Variants in STAT5A observed in about 807,000 individuals in gnomAD.
The protein encoded by STAT5A is epididymis secretory sperm binding protein.
In STAT5A, 26 loss-of-function variants were observed where a neutral mutation model predicts 100.2. The observed-to-expected ratio is 0.26, with a 90% confidence interval of 0.19 to 0.36. STAT5A has a LOEUF of 0.36. STAT5A is among the 10% of genes least tolerant of loss of function. The pLI is 1.00. For missense variants in STAT5A, 634 were observed against 1,027.5 expected, an observed-to-expected ratio of 0.62 and a Z score of 5.24; for synonymous variants, 330 against 424.3, an observed-to-expected ratio of 0.78 and a Z score of 2.73.
At chr17:42,310,412 C>T (rs948289363) in intron 18 of STAT5A, 95 bp from the exon 19 acceptor site, 77 of 1,393,374 alleles carry the variant, frequency 5.5e-5, no homozygotes, top group Non-Finnish European at 7.4e-5. Context: ...TCTCATGAGA[C>T]GGGTTTGAGT....
chr17:42,298,708 C>T (rs1336888470), intron 5 of STAT5A, among the ~76,000 whole-genome samples: 5 of 151,014 alleles, frequency 3.3e-5, no homozygotes, highest in Non-Finnish European at 7.4e-5. Flanking sequence ...AGGATGGTCT[C>T]GATCACCTGA....
chr17:42,306,182 T>C, intron 12 of STAT5A, 59 bp from the exon 13 acceptor site: 1 of 1,612,964 alleles, frequency 6.2e-7, no homozygotes, highest in Non-Finnish European at 8.5e-7. Flanking sequence ...ATCTTGTGTG[T>C]GTGTGAATAT....
chr17:42,299,603 C>T (rs1195956355), intron 5 of STAT5A, 148 bp from the exon 6 acceptor site: 3 of 1,344,816 alleles, frequency 2.2e-6, no homozygotes, highest in Non-Finnish European at 1.0e-6. Flanking sequence ...TTCATCTTGG[C>T]CCCCCTGGCT....
rs114347611 is a variant in STAT5A at position 42,294,635 on chromosome 17, G to A, written c.376-984G>A. On this transcript the variant is annotated intron_variant, in intron 4 of 18. Transcript: ENST00000590949. ...AAAGTGCTTTGCCTCAGGAGGATCT[G>A]ATGCCAGAATGTTCCAGACTGTTGG... Among the ~76,000 whole-genome samples the A allele has an allele frequency of 3.4e-3, 525 of 152,336 alleles. 3 individuals carry two copies. Among genetic ancestry groups the A allele is most frequent in the African/African-American group, 0.012 (504 of 41,584 alleles).
rs948030049 is a variant in STAT5A, at chr17:42,310,757, C to G, written c.*88C>G. The G allele has an allele frequency of 1.9e-6, 3 of 1,573,004 alleles. No individual in the cohort carries two copies. In the South Asian group the frequency reaches 3.5e-5, roughly 18 times the overall value. The stretch of plus-strand genomic sequence containing the variant: ...TTTAGTAAGGCTGTGTACACTGACA[C>G]CTTTGCAGGCATGCATGTGCTTGTG... On this transcript the variant is annotated 3_prime_UTR_variant, in exon 19 of 19. Transcript: ENST00000590949.
intron 13 of STAT5A, 121 bp downstream of exon 13, chr17:42,306,568 T>C (rs1438490439): frequency 1.4e-6 from 2 of 1,474,172 alleles, no homozygotes; most frequent in Non-Finnish European, 1.9e-6. Context: ...CACTCTCTCC[T>C]ACAACCAGGA....
rs760503272 is a variant in STAT5A, at chr17:42,291,943, C to T, written c.286-29C>T. On this transcript the variant is annotated intron_variant, in intron 3 of 18. Coordinates refer to ENST00000590949, the MANE Select transcript of STAT5A (RefSeq NM_001288718.2). ...CTGGCATGGCTGGAGCAGAGGATGG[C>T]GCTGGAGGCTACTGTTGGATTCTTT... 9.3e-6 allele frequency: 15 copies of T among 1,609,654 alleles called. No homozygotes were observed. In the Admixed American group the frequency reaches 1.5e-4, roughly 16 times the overall value.
intron 4 of STAT5A, among the ~76,000 whole-genome samples, chr17:42,292,880 G>A (rs1043918869): frequency 3.9e-5 from 6 of 152,020 alleles, no homozygotes; most frequent in Admixed American, 2.0e-4. Context: ...CACCCGCCTC[G>A]GCCTCCCAAA....
Position 42,288,978 on chromosome 17 carries a change from T to C in STAT5A, c.-11+380T>C, listed in dbSNP as rs1195611676. Reference sequence around the variant, plus strand: ...CCTAGCCGTCGAGTGGGAGCCGTCGTGGCGCTGGCCTAACTTCGGGTTGGA... The same window carrying C: ...CCTAGCCGTCGAGTGGGAGCCGTCGCGGCGCTGGCCTAACTTCGGGTTGGA... On this transcript the variant is annotated intron_variant, in intron 1 of 18. Coordinates refer to ENST00000590949, the MANE Select transcript of STAT5A (RefSeq NM_001288718.2). The surrounding 1 kb of genome is among the most constrained non-coding windows in gnomAD (Gnocchi z 4.8). Among the ~76,000 whole-genome samples, 1 of 152,196 alleles carries C rather than the reference T, an allele frequency of 6.6e-6. No individual in the cohort carries two copies. Among genetic ancestry groups the C allele is most frequent in the Non-Finnish European group, 1.5e-5 (1 of 68,030 alleles).
Position 42,308,612 on chromosome 17 carries a change from T to G in STAT5A, c.2062+279T>G. On this transcript the variant is annotated intron_variant, in intron 16 of 18. Coordinates refer to ENST00000590949, the MANE Select transcript of STAT5A (RefSeq NM_001288718.2). This position sits in a 1 kb window ranked among gnomAD's most constrained non-coding sequence, Gnocchi z 4.6. ...GAAGGGGTGGCAGCACTGTAGGGAG[T>G]GGCCGGGATCATTCGAGCCCACAGA... 1 of 524,808 alleles carries G rather than the reference T, an allele frequency of 1.9e-6. No individual in the cohort carries two copies. The highest frequency in any genetic ancestry group is 3.4e-6 in the Non-Finnish European group (1 of 292,576). The allele number at this position is 524,808 out of a possible 1,614,324, so 32.5% of individuals were successfully genotyped here.
In STAT5A at chr17:42,300,769, T is replaced by C; in HGVS notation, c.888T>C (p.Ala296=). The change falls in exon 8 of 19, where the codon GCT becomes GCC. Residue 296 remains alanine (A), a synonymous_variant. Transcript: ENST00000590949. ...AGAACCGGCAGCAGATCCGCAGGGCTGAGCACCTCTGCCAGCAGCTGCCCA... is the reference window on the plus strand; with the variant it reads ...AGAACCGGCAGCAGATCCGCAGGGCCGAGCACCTCTGCCAGCAGCTGCCCA... ...IWQNRQQIRR[A]EHLCQQLPIP... 1 of 1,613,024 alleles carries C rather than the reference T, an allele frequency of 6.2e-7. No homozygotes were observed.
rs754146749 is a variant in STAT5A at position 42,300,749 on chromosome 17, C to T, written c.868C>T (p.Arg290Trp). ...EKLAEIIWQN[R>W]QQIRRAEHLC... ...GTTGGCCGAGATCATCTGGCAGAAC[C>T]GGCAGCAGATCCGCAGGGCTGAGCA... The change falls in exon 8 of 19, where the codon CGG becomes TGG. Residue 290 changes from arginine (R) to tryptophan (W), a missense_variant. Transcript: ENST00000590949. 6.2e-6 allele frequency: 10 copies of T among 1,613,444 alleles called. No homozygotes were observed. Among genetic ancestry groups the T allele is most frequent in the South Asian group, 2.2e-5 (2 of 91,062 alleles).
intron 8 of STAT5A, 32 bp from the exon 9 acceptor site, chr17:42,301,243 T>G (rs1489932144): frequency 6.2e-7 from 1 of 1,602,524 alleles, no homozygotes; most frequent in Non-Finnish European, 8.5e-7. Flanking sequence ...CGCCAACCCC[T>G]CATCGTGTGT....
At chr17:42,298,904 G>T (rs2080947325) in intron 5 of STAT5A, among the ~76,000 whole-genome samples, 2 of 152,142 alleles carry the variant, frequency 1.3e-5, no homozygotes, top group South Asian at 2.1e-4. Flanking sequence ...TCCCTTTCCT[G>T]AGAGAATCTT....
chr17:42,304,632 G>A lies in STAT5A; in HGVS notation c.1360G>A (p.Glu454Lys), dbSNP rs754704026. ...GTCTCAGTTCAGTGTTGGCAGCAATGAGCTTGTGTTCCAGGTGAAGGTGAG... is the reference window on the plus strand; with the variant it reads ...GTCTCAGTTCAGTGTTGGCAGCAATAAGCTTGTGTTCCAGGTGAAGGTGAG... The part of the protein sequence containing the change: ...FESQFSVGSN[E>K]LVFQVKTLSL... The change falls in exon 11 of 19, where the codon GAG (glutamate) becomes AAG (lysine). Residue 454 changes from glutamate (E) to lysine (K), a missense_variant. Glu to Lys is a moderately conservative substitution (Grantham distance 56, BLOSUM62 1). Around this residue, in one of 5 missense-constraint regions of STAT5A, gnomAD observed 210 missense variants for 428.4 expected, o/e 0.49. Coordinates refer to ENST00000590949, the MANE Select transcript of STAT5A (RefSeq NM_001288718.2). The surrounding 1 kb of genome is among the most constrained non-coding windows in gnomAD (Gnocchi z 4.8). 1 of 1,614,176 alleles carries A rather than the reference G, an allele frequency of 6.2e-7. No individual in the cohort carries two copies. The highest frequency in any genetic ancestry group is 8.5e-7 in the Non-Finnish European group (1 of 1,180,036).
intron 3 of STAT5A, chr17:42,290,278 G>T: frequency 2.5e-6 from 1 of 393,062 alleles, no homozygotes; most frequent in East Asian, 5.2e-5. Flanking sequence ...GGAAGCAGCA[G>T]AAGGGATGGA....
Position 42,301,448 on chromosome 17 carries a change from C to A in STAT5A, c.1163C>A (p.Thr388Asn). ...QAKSLLKNEN[T>N]RNECSGEILN... Reference sequence around the variant, plus strand: ...AAGTCTCTGCTTAAAAATGAGAACACCCGCAAGTAATTGTGCCTCTCCCTT... The same window carrying A: ...AAGTCTCTGCTTAAAAATGAGAACAACCGCAAGTAATTGTGCCTCTCCCTT... The change falls in exon 9 of 19, where the codon ACC becomes AAC. Residue 388 changes from threonine (T) to asparagine (N), a missense_variant. Physicochemically the swap from Thr to Asn is moderately conservative, Grantham distance 65 (BLOSUM62 0). Transcript: ENST00000590949. 2 of 1,614,134 alleles carry A rather than the reference C, an allele frequency of 1.2e-6. No homozygotes were observed. Among genetic ancestry groups the A allele is most frequent in the Non-Finnish European group, 1.7e-6 (2 of 1,180,004 alleles).
At position 42,308,971 on chromosome 17, in the gene STAT5A, A is replaced by C. The variant is rs2293155; in HGVS notation, c.2063-76A>C. 6 of 1,584,884 alleles carry C rather than the reference A, an allele frequency of 3.8e-6. No homozygotes were observed. In the African/African-American group the frequency reaches 5.4e-5, roughly 14 times the overall value. ...AGGTGATGTGAGCAGGAGGGAGACT[A>C]CATGGGGCGTGGGCTTCCACCCCAC... is the stretch of plus-strand genomic sequence containing the variant. On this transcript the variant is annotated intron_variant, in intron 16 of 18. Transcript: ENST00000590949. This position sits in a 1 kb window ranked among gnomAD's most constrained non-coding sequence, Gnocchi z 4.6.
chr17:42,292,086 G>C, intron 4 of STAT5A, 25 bp downstream of exon 4: 1 of 1,612,620 alleles, frequency 6.2e-7, no homozygotes, highest in Non-Finnish European at 8.5e-7. Context: ...GGGATGGGGA[G>C]GAGTGTTGAG....
Sources: allele counts gnomAD v4.1 joint callset (sites outside exome capture counted in the v4.1 genomes callset), GRCh38; gene constraint gnomAD v4.1.1; regional missense constraint gnomAD v4.1.1; non-coding constraint Gnocchi (gnomAD v3.1); transcripts MANE v1.5; gene names NCBI Gene and HGNC (gene_info 2026-07-23, HGNC 2026-07-21).